The following RBM48 variants were observed in gnomAD, a reference collection of about 807,000 sequenced individuals.
RBM48 encodes RNA-binding protein 48.
RBM48 carries 32 observed loss-of-function variants against 34.8 expected under a neutral mutation model. The ratio of observed to expected loss-of-function variants is 0.92; its 90% confidence interval spans 0.69 to 1.23. The LOEUF is 1.23. Among genes scored for constraint, RBM48 ranks in the 50% most tolerant of loss-of-function variants. RBM48 has a pLI of 0.00. For synonymous variants in RBM48, 151 were observed against 156.2 expected, an observed-to-expected ratio of 0.97 and a Z score of 0.25; for missense variants, 441 against 447.2, an observed-to-expected ratio of 0.99 and a Z score of 0.12.
chr7:92,535,075 A>C lies in RBM48; in HGVS notation c.1017+105A>C, dbSNP rs370711555. The stretch of plus-strand genomic sequence containing the variant: ...GTACTGTAATTTTTTTTCACTTTTT[A>C]GTGTTTTGATGTGTTTTTCTACAGT... On this transcript the variant is annotated intron_variant, in intron 4 of 4. Transcript: ENST00000265732. 11 of 1,508,330 alleles carry C rather than the reference A, an allele frequency of 7.3e-6. No individual in the cohort carries two copies. In the African/African-American group the frequency reaches 1.4e-4, roughly 19 times the overall value. 93.4% of individuals were successfully genotyped at this position (1,508,330 alleles called of 1,614,324 possible). A position where few individuals can be genotyped will look rare whatever the true frequency, so the allele number is the denominator to read the frequency against.
chr7:92,532,376 A>G, intron 2 of RBM48, 28 bp from the exon 3 acceptor site: 1 of 1,573,160 alleles, frequency 6.4e-7, no homozygotes, highest in South Asian at 1.2e-5. Flanking sequence ...TAGATTAAAA[A>G]ACTATGCTAT....
At position 92,534,993 on chromosome 7, in the gene RBM48, ATTCTAAGACACGAT is replaced by A. The variant is rs750651745; in HGVS notation, c.1017+26_1017+39del. 2.5e-6 allele frequency: 4 copies of A among 1,611,932 alleles called. No homozygotes were observed. The Admixed American group carries it at 5.0e-5, about 20-fold the overall frequency. On this transcript the variant is annotated intron_variant, in intron 4 of 4. Transcript: ENST00000265732. Reference sequence around the variant, plus strand: ...GAGGTAAGGTTATTTTTAAAAAACTATTCTAAGACACGATTTGGTTATAGGATTAAATGGAGAAT... The same window carrying A: ...GAGGTAAGGTTATTTTTAAAAAACTATTGGTTATAGGATTAAATGGAGAAT...
chr7:92,529,022 C>T, intron 1 of RBM48, 98 bp downstream of exon 1: 2 of 874,324 alleles, frequency 2.3e-6, no homozygotes, highest in African/African-American at 1.7e-5. Flanking sequence ...GACAAGGCTT[C>T]CGTCAGATCT....
chr7:92,537,313 T>G lies in RBM48; in HGVS notation c.*376T>G, dbSNP rs6951704. On this transcript the variant is annotated 3_prime_UTR_variant, in exon 5 of 5. Coordinates refer to ENST00000265732, the MANE Select transcript of RBM48 (RefSeq NM_032120.4). ...ATTGGTCAGGCTGGTCTCGAACTCC[T>G]GACCTTGTGATACACCTGCCTCAGC... 5,623 of 155,996 alleles carry G rather than the reference T, an allele frequency of 0.036. 127 individuals carry two copies. Among genetic ancestry groups the G allele is most frequent in the Non-Finnish European group, 0.041 (2,916 of 70,614 alleles). 9.7% of individuals were successfully genotyped at this position (155,996 alleles called of 1,614,324 possible).
Position 92,528,883 on chromosome 7 carries a change from C to A in RBM48, c.70C>A (p.Arg24=). Reference sequence around the variant, plus strand: ...CGTCCAGAGGGCGGTATGCGACACACGGGCCAAATATCGAGAGGGACGACG... The same window carrying A: ...CGTCCAGAGGGCGGTATGCGACACAAGGGCCAAATATCGAGAGGGACGACG... ...HHVQRAVCDT[R]AKYREGRRPR... Residue 24 remains arginine, a synonymous_variant, in exon 1 of 5, where the codon CGG becomes AGG. Coordinates refer to ENST00000265732, the MANE Select transcript of RBM48 (RefSeq NM_032120.4). 1 of 1,614,056 alleles carries A rather than the reference C, an allele frequency of 6.2e-7. No individual in the cohort carries two copies. The highest frequency in any genetic ancestry group is 8.5e-7 in the Non-Finnish European group (1 of 1,179,980).
At chr7:92,530,027 A>G (rs1441405518) in intron 2 of RBM48, among the ~76,000 whole-genome samples, 2 of 151,718 alleles carry the variant, frequency 1.3e-5, no homozygotes, top group African/African-American at 2.4e-5. Flanking sequence ...AAAATACAAA[A>G]TTAGCTGGGT....
rs1227261252 is a variant in RBM48 at position 92,537,835 on chromosome 7, C to CTTT, written c.*903_*905dup. The stretch of plus-strand genomic sequence containing the variant: ...TCTAGACTGTCTCTATTTTCTTTTT[C>CTTT]TTTTTTTATTTTTAGTAGAGACAGG... On this transcript the variant is annotated 3_prime_UTR_variant, in exon 5 of 5. Transcript: ENST00000265732. The CTTT allele has an allele frequency of 6.6e-6, 1 of 151,932 alleles. No homozygotes were observed. Among genetic ancestry groups the CTTT allele is most frequent in the Non-Finnish European group, 1.5e-5 (1 of 67,954 alleles). 9.4% of individuals were successfully genotyped at this position (151,932 alleles called of 1,614,324 possible).
intron 2 of RBM48, among the ~76,000 whole-genome samples, chr7:92,531,901 A>G (rs61264621): frequency 1.3e-5 from 2 of 152,318 alleles, no homozygotes; most frequent in African/African-American, 4.8e-5. Context: ...CCAGTCATAG[A>G]TGTTTAGTAA....
Position 92,534,995 on chromosome 7 carries a change from T to C in RBM48, c.1017+25T>C, listed in dbSNP as rs561621052. On this transcript the variant is annotated intron_variant, in intron 4 of 4. Transcript: ENST00000265732. The stretch of plus-strand genomic sequence containing the variant: ...GGTAAGGTTATTTTTAAAAAACTAT[T>C]CTAAGACACGATTTGGTTATAGGAT... 1.6e-5 allele frequency: 26 copies of C among 1,611,798 alleles called. No homozygotes were observed. In the South Asian group the frequency reaches 2.4e-4, roughly 15 times the overall value.
intron 4 of RBM48, 163 bp from the exon 5 acceptor site, chr7:92,536,674 ATGGAAGACTCCACT>A: frequency 8.1e-7 from 1 of 1,237,996 alleles, no homozygotes; most frequent in Non-Finnish European, 1.0e-6. Flanking sequence ...CAGTATTCAA[ATGGAAGACTCCACT>A]CTGTGCCTAG....
intron 4 of RBM48, chr7:92,536,125 G>A (rs1398950348): frequency 5.4e-5 from 53 of 982,452 alleles, no homozygotes; most frequent in Non-Finnish European, 6.2e-5. Flanking sequence ...GTGAGACCCT[G>A]TCTCAAAAAA....
chr7:92,538,495 G>A lies in RBM48; in HGVS notation c.*1558G>A, dbSNP rs1793780365. The stretch of plus-strand genomic sequence containing the variant: ...CCTCACACTGATCCAAATTAACTAG[G>A]ATGGCTCCAAGTGGTAGATGGTACT... On this transcript the variant is annotated 3_prime_UTR_variant, in exon 5 of 5. Coordinates refer to ENST00000265732, the MANE Select transcript of RBM48 (RefSeq NM_032120.4). 6.6e-6 allele frequency among the ~76,000 whole-genome samples: 1 copy of A among 152,170 alleles called. No homozygotes were observed. Among genetic ancestry groups the A allele is most frequent in the Non-Finnish European group, 1.5e-5 (1 of 68,042 alleles).
chr7:92,533,967 T>TAAAA (rs768646005), intron 3 of RBM48, among the ~76,000 whole-genome samples: 2 of 83,898 alleles, frequency 2.4e-5, no homozygotes, highest in African/African-American at 4.2e-5. Context: ...TCTGAAATTG[T>TAAAA]AAAAAAAAAA....
In RBM48 at chr7:92,534,605, G is replaced by A. The variant is rs1160880167; in HGVS notation, c.652G>A (p.Val218Ile). Residue 218 changes from valine to isoleucine, a missense_variant, in exon 4 of 5, where the codon GTA (valine) becomes ATA (isoleucine). Val to Ile is a conservative substitution (Grantham distance 29). Transcript: ENST00000265732. Reference protein sequence around the residue: ...SKCMCSSGGPVDRAPDSSKDG... With the variant: ...SKCMCSSGGPIDRAPDSSKDG... ...ATGTATGTGTTCATCCGGGGGACCT[G>A]TAGACAGAGCACCAGACTCCTCTAA... is the stretch of plus-strand genomic sequence containing the variant. 1.9e-6 allele frequency: 3 copies of A among 1,614,146 alleles called. No individual in the cohort carries two copies. Among genetic ancestry groups the A allele is most frequent in the Non-Finnish European group, 2.5e-6 (3 of 1,180,010 alleles).
intron 1 of RBM48, 84 bp from the exon 2 acceptor site, chr7:92,529,392 A>G: frequency 1.2e-6 from 1 of 807,320 alleles, no homozygotes; most frequent in East Asian, 2.5e-5. Context: ...TCTTGTTTTC[A>G]AAGTTCTCTT....
At chr7:92,536,826 A>G (rs1793725509) in intron 4 of RBM48, 25 bp from the exon 5 acceptor site, 1 of 1,557,154 alleles carries the variant, frequency 6.4e-7, no homozygotes, top group Non-Finnish European at 8.6e-7. Flanking sequence ...CTAAGTTTTA[A>G]TGGTTCTTTT....
rs919796902 is a variant in RBM48, at chr7:92,539,309, T to A, written c.*2372T>A. 1.2e-4 allele frequency among the ~76,000 whole-genome samples: 19 copies of A among 152,184 alleles called. No individual in the cohort carries two copies. Among genetic ancestry groups the A allele is most frequent in the Non-Finnish European group, 2.6e-4 (18 of 68,000 alleles). On this transcript the variant is annotated 3_prime_UTR_variant, in exon 5 of 5. Coordinates refer to ENST00000265732, the MANE Select transcript of RBM48 (RefSeq NM_032120.4). ...GTTTCCAGAAAGTTAAAATGCGGGGTAGAGGGAATAAACTACAGGGAGACA... is the reference window on the plus strand; with the variant it reads ...GTTTCCAGAAAGTTAAAATGCGGGGAAGAGGGAATAAACTACAGGGAGACA...
At position 92,534,455 on chromosome 7, in the gene RBM48, T is replaced by A; in HGVS notation, c.502T>A (p.Phe168Ile). 6.2e-7 allele frequency: 1 copy of A among 1,614,028 alleles called. No homozygotes were observed. The highest frequency in any genetic ancestry group is 1.3e-5 in the African/African-American group (1 of 75,040). ...LVTEHKDTEDFRQDFHSEMSG... is the reference protein window; with the variant it reads ...LVTEHKDTEDIRQDFHSEMSG... ...TACAGAGCATAAAGACACAGAGGAT[T>A]TTAGACAAGACTTCCACTCAGAGAT... Residue 168 changes from phenylalanine (F) to isoleucine (I), a missense_variant, in exon 4 of 5, where the codon TTT (phenylalanine) becomes ATT (isoleucine). Coordinates refer to ENST00000265732, the MANE Select transcript of RBM48 (RefSeq NM_032120.4).
At position 92,539,349 on chromosome 7, in the gene RBM48, A is replaced by G. The variant is rs747395056; in HGVS notation, c.*2412A>G. On this transcript the variant is annotated 3_prime_UTR_variant, in exon 5 of 5. Transcript: ENST00000265732. The stretch of plus-strand genomic sequence containing the variant: ...ACAGGGAGACAAATAAATTAAAGAG[A>G]TGAGTTGAGGTGGATAAGGATAGCT... 6.6e-6 allele frequency among the ~76,000 whole-genome samples: 1 copy of G among 152,234 alleles called. No homozygotes were observed. Among genetic ancestry groups the G allele is most frequent in the Admixed American group, 6.5e-5 (1 of 15,290 alleles).
Sources: gnomAD v4.1 joint callset for allele counts (sites outside exome capture counted in the v4.1 genomes callset) on GRCh38, gnomAD v4.1.1 for gene constraint, MANE v1.5 for transcripts, NCBI Gene and HGNC (gene_info 2026-07-23, HGNC 2026-07-21) for gene names.